The following SNTG1 variants were observed in gnomAD, a reference collection of about 807,000 sequenced individuals.
The protein encoded by SNTG1 is syntrophin gamma 1.
A neutral mutation model predicts 74.7 loss-of-function variants in SNTG1; 39 were observed. The ratio of observed to expected loss-of-function variants is 0.52; its 90% CI spans 0.40 to 0.68. The LOEUF is 0.68. Among genes scored for constraint, SNTG1 ranks in the 30% least tolerant of loss-of-function variants. SNTG1 has a pLI of 0.00. For missense variants in SNTG1, 685 were observed against 609.5 expected, an observed-to-expected ratio of 1.12 and a Z score of -1.30; for synonymous variants, 254 against 217.1, an observed-to-expected ratio of 1.17 and a Z score of -1.49.
chr8:49,966,042 T>A (rs1275517285), intron 1 of SNTG1, among the ~76,000 whole-genome samples: 4 of 152,208 alleles, frequency 2.6e-5, no homozygotes, highest in Admixed American at 1.3e-4. Context: ...GCAAGTATAC[T>A]CAGCATGTAA....
intron 1 of SNTG1, among the ~76,000 whole-genome samples, chr8:49,973,112 G>C (rs1384176661): frequency 3.9e-5 from 6 of 152,010 alleles, no homozygotes; most frequent in Admixed American, 6.6e-5. Flanking sequence ...TTGGAACCAA[G>C]CCAAATGTCC....
intron 10 of SNTG1, 31 bp from the exon 11 acceptor site, chr8:50,536,647 A>T (rs375168352): frequency 6.2e-7 from 1 of 1,605,798 alleles, no homozygotes; most frequent in Non-Finnish European, 8.5e-7. Flanking sequence ...CAGAAGAAAA[A>T]AATTACGTTG....
chr8:50,646,022 A>T (rs1388089835), intron 13 of SNTG1, among the ~76,000 whole-genome samples: 1 of 152,202 alleles, frequency 6.6e-6, no homozygotes, highest in African/African-American at 2.4e-5. Flanking sequence ...TCGTTAAAAA[A>T]AGAATATTTC....
intron 1 of SNTG1, among the ~76,000 whole-genome samples, chr8:50,058,585 T>C (rs775525555): frequency 6.6e-5 from 10 of 152,130 alleles, no homozygotes; most frequent in Non-Finnish European, 1.2e-4. Context: ...TGACATGCAG[T>C]TGTGAAGTTA....
rs146506361 is a variant in SNTG1 at position 50,744,674 on chromosome 8, A to T, written c.1285-7327A>T. Among the ~76,000 whole-genome samples, 31 of 152,184 alleles carry T rather than the reference A, an allele frequency of 2.0e-4. 1 individual carries two copies. In the East Asian group the frequency reaches 3.7e-3, roughly 18 times the overall value. ...CTTATTACAAAGCTATAGTAATTAA[A>T]ATAGTGTTGTCCTGTCATAGAGACA... On this transcript the variant is annotated intron_variant, in intron 17 of 18. Transcript: ENST00000642720.
chr8:50,470,375 G>A (rs1364481507), intron 8 of SNTG1, among the ~76,000 whole-genome samples: 4 of 152,202 alleles, frequency 2.6e-5, no homozygotes, highest in Admixed American at 2.0e-4. Context: ...TGAAGCTGCA[G>A]ACCCTCACGG....
At chr8:50,401,680 C>T (rs2092808064) in intron 3 of SNTG1, among the ~76,000 whole-genome samples, 1 of 152,028 alleles carries the variant, frequency 6.6e-6, no homozygotes, top group Middle Eastern at 3.4e-3. Context: ...ACTAGGAATG[C>T]TGACATAGTG....
intron 13 of SNTG1, among the ~76,000 whole-genome samples, chr8:50,641,612 G>A (rs1053685883): frequency 5.3e-5 from 8 of 152,038 alleles, no homozygotes; most frequent in African/African-American, 1.4e-4. Context: ...ATCCAATAAC[G>A]ATTTGCCCCC....
chr8:50,550,285 G>T (rs189205989), intron 11 of SNTG1, among the ~76,000 whole-genome samples: 60 of 152,206 alleles, frequency 3.9e-4, no homozygotes, highest in East Asian at 3.1e-3. Flanking sequence ...CAGAACTCAT[G>T]CTCATTCCAG....
At chr8:50,614,868 C>T (rs1429840208) in intron 13 of SNTG1, among the ~76,000 whole-genome samples, 1 of 151,442 alleles carries the variant, frequency 6.6e-6, no homozygotes, top group Non-Finnish European at 1.5e-5. Flanking sequence ...TTAATTATTA[C>T]TTAATACAAT....
intron 15 of SNTG1, among the ~76,000 whole-genome samples, chr8:50,668,601 C>A (rs2095262313): frequency 6.6e-6 from 1 of 151,074 alleles, no homozygotes; most frequent in African/African-American, 2.4e-5. Context: ...ATACGTGTAC[C>A]ATGGTGATTT....
At chr8:50,519,996 A>C (rs1374105618) in intron 9 of SNTG1, among the ~76,000 whole-genome samples, 3 of 152,194 alleles carry the variant, frequency 2.0e-5, no homozygotes, top group African/African-American at 7.2e-5. Context: ...AATCCTAAGC[A>C]AAAAGAACAA....
intron 13 of SNTG1, among the ~76,000 whole-genome samples, chr8:50,650,150 T>A (rs1054969006): frequency 2.0e-5 from 3 of 152,064 alleles, no homozygotes; most frequent in Non-Finnish European, 4.4e-5. Context: ...ATTATAAATT[T>A]AAAAAATTCT....
intron 1 of SNTG1, among the ~76,000 whole-genome samples, chr8:49,977,326 G>C (rs1374170216): frequency 6.6e-6 from 1 of 151,864 alleles, no homozygotes; most frequent in Non-Finnish European, 1.5e-5. Context: ...AGAAAATGTA[G>C]GGACTGTGCT....
At chr8:50,548,985 T>C (rs966017256) in intron 11 of SNTG1, among the ~76,000 whole-genome samples, 1 of 152,242 alleles carries the variant, frequency 6.6e-6, no homozygotes, top group East Asian at 1.9e-4. Context: ...TTAACTGACT[T>C]GCAAGGACCT....
At chr8:50,465,965 C>A (rs1031216506) in intron 8 of SNTG1, among the ~76,000 whole-genome samples, 3 of 152,070 alleles carry the variant, frequency 2.0e-5, no homozygotes, top group Non-Finnish European at 4.4e-5. Context: ...AAGGCAGTTT[C>A]TGAATTATAT....
intron 4 of SNTG1, among the ~76,000 whole-genome samples, chr8:50,433,210 T>C (rs2093260346): frequency 6.6e-6 from 1 of 152,248 alleles, no homozygotes; most frequent in Non-Finnish European, 1.5e-5. Context: ...AATTCCATAT[T>C]CTATGAACTT....
At chr8:50,760,769 C>T (rs539061110) in intron 18 of SNTG1, among the ~76,000 whole-genome samples, 15 of 151,994 alleles carry the variant, frequency 9.9e-5, no homozygotes, top group South Asian at 2.1e-4. Context: ...AATAGAAAAT[C>T]GAGAAGAGAT....
intron 5 of SNTG1, among the ~76,000 whole-genome samples, chr8:50,446,562 C>G (rs2093409987): frequency 6.6e-6 from 1 of 151,804 alleles, no homozygotes; most frequent in African/African-American, 2.4e-5. Context: ...GGCTGTAATC[C>G]CAGCTACTTA....
Sources: gnomAD v4.1 joint callset for allele counts (sites outside exome capture counted in the v4.1 genomes callset) on GRCh38, gnomAD v4.1.1 for gene constraint, MANE v1.5 for transcripts, NCBI Gene and HGNC (gene_info 2026-07-23, HGNC 2026-07-21) for gene names.